NCKAP1: variants seen among roughly 807,000 people sequenced by gnomAD.
The protein encoded by NCKAP1 is nck-associated protein 1.
In NCKAP1, 21 loss-of-function variants were observed where a neutral mutation model predicts 151.2. That is an observed-to-expected ratio of 0.14 (90% CI 0.10 to 0.20). The LOEUF is 0.20. Among genes scored for constraint, NCKAP1 ranks in the 10% least tolerant of loss-of-function variants. NCKAP1 has a pLI of 1.00. For missense variants in NCKAP1, 933 were observed against 1,352.1 expected (o/e 0.69, Z 4.86); for synonymous variants, 484 against 451.8 (o/e 1.07, Z -0.90).
At chr2:183,016,074 T>C (rs1698682521) in intron 2 of NCKAP1, among the ~76,000 whole-genome samples, 1 of 152,136 alleles carries the variant, frequency 6.6e-6, no homozygotes, top group Non-Finnish European at 1.5e-5. Context: ...ATAAGCATAT[T>C]TGTTATAGTT....
In NCKAP1 at chr2:182,929,975, G is replaced by A. The variant is rs1438967763; in HGVS notation, c.2953+720C>T. ...AAACTCTTGATGGTGAATAACTCTA[G>A]TACAATAAAAACAGAATACCCTTTC... On this transcript the variant is annotated intron_variant, in intron 27 of 30. Transcript: ENST00000361354. Among the ~76,000 whole-genome samples, 7 of 151,978 alleles carry A rather than the reference G, an allele frequency of 4.6e-5. 1 individual carries two copies. Among genetic ancestry groups the A allele is most frequent in the Middle Eastern group, 3.4e-3 (1 of 294 alleles).
Position 182,912,849 on chromosome 2 carries a change from A to AAAGGAAGGAATGAAGGAAGGAAGGAAGG in NCKAP1, c.*12852_*12853insCCTTCCTTCCTTCCTTCATTCCTTCCTT, listed in dbSNP as rs1696416522. 7.5e-6 allele frequency: 1 copy of AAAGGAAGGAATGAAGGAAGGAAGGAAGG among 133,364 alleles called. No homozygotes were observed. The highest frequency in any genetic ancestry group is 8.2e-5 in the Admixed American group (1 of 12,228). The allele number at this position is 133,364 out of a possible 1,614,324, so 8.3% of individuals were successfully genotyped here. ...CAAAACCAAAGAAAGATAGAGGAAG[A>AAAGGAAGGAATGAAGGAAGGAAGGAAGG]AAGGAAGGAAGGAAGGAAGGAAGGA... On this transcript the variant is annotated 3_prime_UTR_variant, in exon 31 of 31. Coordinates refer to ENST00000361354, the MANE Select transcript of NCKAP1 (RefSeq NM_013436.5).
chr2:182,972,224 CAAAAAAAAAAA>C lies in NCKAP1; in HGVS notation c.1482+4658_1482+4668del, dbSNP rs56834438. On this transcript the variant is annotated intron_variant, in intron 15 of 30. Coordinates refer to ENST00000361354, the MANE Select transcript of NCKAP1 (RefSeq NM_013436.5). ...ATAAGGAACTCAAACAGCTTAATAGCAAAAAAAAAAAAAAAAAAAAACAAAACTGATTTTAA... is the reference window on the plus strand; with the variant it reads ...ATAAGGAACTCAAACAGCTTAATAGCAAAAAAAAAACAAAACTGATTTTAA... 4.3e-4 allele frequency among the ~76,000 whole-genome samples: 29 copies of C among 67,708 alleles called. No homozygotes were observed. In the Admixed American group the frequency reaches 5.0e-3, roughly 12 times the overall value. 44.4% of individuals were successfully genotyped at this position (67,708 alleles called of 152,430 possible).
chr2:182,930,887 T>C, intron 26 of NCKAP1, 99 bp from the exon 27 acceptor site: 1 of 996,816 alleles, frequency 1.0e-6, no homozygotes, highest in East Asian at 2.6e-5. Context: ...CACCAGAGAA[T>C]TTCGGAAACT....
intron 8 of NCKAP1, among the ~76,000 whole-genome samples, chr2:182,994,010 AAAAC>A (rs138582148): frequency 1.4e-4 from 22 of 152,302 alleles, no homozygotes; most frequent in East Asian, 9.6e-4. Flanking sequence ...AAAACGAAGG[AAAAC>A]AAACAAACAA....
At chr2:182,978,615 T>C (rs934106086) in intron 14 of NCKAP1, among the ~76,000 whole-genome samples, 1 of 152,296 alleles carries the variant, frequency 6.6e-6, no homozygotes, top group South Asian at 2.1e-4. Context: ...TGTTACAAAA[T>C]GCTTTTTTTC....
intron 26 of NCKAP1, among the ~76,000 whole-genome samples, chr2:182,932,123 A>G (rs1008507679): frequency 6.6e-6 from 1 of 152,212 alleles, no homozygotes; most frequent in Admixed American, 6.5e-5. Flanking sequence ...CTCCTGGTAT[A>G]TATTCAAGAG....
chr2:182,934,005 A>G (rs1696818753), intron 26 of NCKAP1, among the ~76,000 whole-genome samples: 1 of 152,182 alleles, frequency 6.6e-6, no homozygotes, highest in African/African-American at 2.4e-5. Flanking sequence ...TATATATATT[A>G]CATATAATAG....
At chr2:182,951,008 T>C (rs1697203265) in intron 23 of NCKAP1, among the ~76,000 whole-genome samples, 1 of 151,990 alleles carries the variant, frequency 6.6e-6, no homozygotes, top group Admixed American at 6.6e-5. Context: ...AATTTTTGTA[T>C]TTTCAGTAGA....
chr2:183,010,545 T>C (rs1333012446), intron 2 of NCKAP1, among the ~76,000 whole-genome samples: 2 of 152,192 alleles, frequency 1.3e-5, no homozygotes, highest in African/African-American at 2.4e-5. Context: ...TATGCAGCAA[T>C]AGGTAACTGA....
Position 182,913,193 on chromosome 2 carries a change from T to C in NCKAP1, c.*12509A>G, listed in dbSNP as rs1331679030. Reference sequence around the variant, plus strand: ...AAGGACCAAATCTGGTTCATGTACATGCCAAGCATTTAGGACACTATGTCC... The same window carrying C: ...AAGGACCAAATCTGGTTCATGTACACGCCAAGCATTTAGGACACTATGTCC... On this transcript the variant is annotated 3_prime_UTR_variant, in exon 31 of 31. Coordinates refer to ENST00000361354, the MANE Select transcript of NCKAP1 (RefSeq NM_013436.5). 6.6e-6 allele frequency: 1 copy of C among 152,226 alleles called. No individual in the cohort carries two copies. Among genetic ancestry groups the C allele is most frequent in the Non-Finnish European group, 1.5e-5 (1 of 68,042 alleles). 9.4% of individuals were successfully genotyped at this position (152,226 alleles called of 1,614,324 possible). A position where few individuals can be genotyped will look rare whatever the true frequency, so the allele number is the denominator to read the frequency against.
chr2:182,992,639 C>T (rs141337196), intron 8 of NCKAP1, among the ~76,000 whole-genome samples: 4 of 152,248 alleles, frequency 2.6e-5, no homozygotes, highest in Non-Finnish European at 5.9e-5. Flanking sequence ...TTTCACTTAT[C>T]TTTATAGAAG....
chr2:182,945,876 CACA>C (rs1293393065), intron 23 of NCKAP1, among the ~76,000 whole-genome samples: 4 of 152,218 alleles, frequency 2.6e-5, no homozygotes, highest in South Asian at 2.1e-4. Context: ...AAGCACTATT[CACA>C]ACAACAACAA....
chr2:182,957,498 T>C lies in NCKAP1; in HGVS notation c.1980A>G (p.Pro660=), dbSNP rs1697350151. 3 of 1,614,090 alleles carry C rather than the reference T, an allele frequency of 1.9e-6. No individual in the cohort carries two copies. The South Asian group carries it at 3.3e-5, about 18-fold the overall frequency. The change falls in exon 19 of 31, where the codon CCA becomes CCG. Residue 660 remains proline, a synonymous_variant. Coordinates refer to ENST00000361354, the MANE Select transcript of NCKAP1 (RefSeq NM_013436.5). ...GKKGEPEREK[P]GVESMRKNRL... is the part of the protein sequence containing the mutation. ...TGTTTTTCCTCATGCTCTCAACACC[T>C]GGTTTCTCCCTTTCAGGTTCCCCTT...
intron 2 of NCKAP1, among the ~76,000 whole-genome samples, chr2:183,009,318 T>C (rs1451694304): frequency 7.2e-6 from 1 of 139,370 alleles, no homozygotes; most frequent in African/African-American, 2.7e-5. Context: ...GAGGCTGCAG[T>C]GAGCCAAGAT....
In NCKAP1 at chr2:182,912,170, T is replaced by G. The variant is rs1320874588; in HGVS notation, c.*13532A>C. 6.6e-6 allele frequency: 1 copy of G among 152,208 alleles called. No homozygotes were observed. The highest frequency in any genetic ancestry group is 1.5e-5 in the Non-Finnish European group (1 of 68,038). 9.4% of individuals were successfully genotyped at this position (152,208 alleles called of 1,614,324 possible). ...AAAATGAAGACCATCTTAAAATATC[T>G]TTGGATATTGGCAAAAATTTAGGGA... On this transcript the variant is annotated 3_prime_UTR_variant, in exon 31 of 31. Coordinates refer to ENST00000361354, the MANE Select transcript of NCKAP1 (RefSeq NM_013436.5).
intron 18 of NCKAP1, among the ~76,000 whole-genome samples, chr2:182,959,142 T>C (rs189068968): frequency 3.3e-5 from 5 of 152,318 alleles, no homozygotes; most frequent in African/African-American, 1.2e-4. Flanking sequence ...ACCTAGATAG[T>C]AACTAAAGCC....
At chr2:182,968,541 T>C (rs920153129) in intron 15 of NCKAP1, among the ~76,000 whole-genome samples, 1 of 152,188 alleles carries the variant, frequency 6.6e-6, no homozygotes, top group Non-Finnish European at 1.5e-5. Flanking sequence ...ATGTCTCCCT[T>C]GGAACAAAGA....
intron 16 of NCKAP1, 54 bp from the exon 17 acceptor site, chr2:182,964,862 A>T: frequency 7.2e-7 from 1 of 1,389,694 alleles, no homozygotes; most frequent in African/African-American, 1.4e-5. Flanking sequence ...AAGTTTTCTG[A>T]TATAGTACCT....
Sources: gnomAD v4.1 joint callset for allele counts (sites outside exome capture counted in the v4.1 genomes callset) on GRCh38, gnomAD v4.1.1 for gene constraint, MANE v1.5 for transcripts, NCBI Gene and HGNC (gene_info 2026-07-23, HGNC 2026-07-21) for gene names.